The following TAF4 variants were observed in gnomAD, a reference collection of about 807,000 sequenced individuals.
The protein encoded by TAF4 is TATA-box binding protein associated factor 4.
Under a neutral mutation model 90.3 loss-of-function variants are expected in TAF4, and 9 were observed. The observed-to-expected ratio is 0.10, with a 90% CI of 0.06 to 0.17. TAF4 has a LOEUF of 0.17. Among genes scored for constraint, TAF4 ranks in the 10% least tolerant of loss-of-function variants. The probability of loss-of-function intolerance (pLI) is 1.00; values close to 1 mark genes in which losing one functional copy is unlikely to be tolerated. For synonymous variants in TAF4, 818 were observed against 638.9 expected (o/e 1.28, Z -4.23); for missense variants, 1,351 against 1,370.7 (o/e 0.99, Z 0.23).
chr20:62,007,351 A>AG (rs2055752630), intron 6 of TAF4, among the ~76,000 whole-genome samples, 196 bp downstream of exon 6: 2 of 152,310 alleles, frequency 1.3e-5, no homozygotes, highest in South Asian at 4.1e-4. Flanking sequence ...CCACCGTGTC[A>AG]GGGGAGCTCC....
intron 1 of TAF4, among the ~76,000 whole-genome samples, chr20:62,020,296 G>A (rs1209089342): frequency 6.6e-6 from 1 of 152,132 alleles, no homozygotes; most frequent in African/African-American, 2.4e-5. Context: ...GCTCTTTCTG[G>A]TCCTGAGGGG....
intron 14 of TAF4, chr20:61,981,205 C>T (rs954630280): frequency 1.3e-5 from 2 of 152,248 alleles, no homozygotes; most frequent in African/African-American, 4.8e-5. Context: ...GTGGCAAATA[C>T]CCCAAGGCCA....
chr20:62,038,233 T>TCGACAC (rs2055944813), intron 1 of TAF4, among the ~76,000 whole-genome samples: 2 of 152,022 alleles, frequency 1.3e-5, no homozygotes, highest in Non-Finnish European at 2.9e-5. Context: ...TTCACAGTGT[T>TCGACAC]AGCCAGGATG....
At chr20:62,060,763 AC>A (rs1424597689) in intron 1 of TAF4, among the ~76,000 whole-genome samples, 1 of 152,058 alleles carries the variant, frequency 6.6e-6, no homozygotes, top group Non-Finnish European at 1.5e-5. Flanking sequence ...GGCCACTGCA[AC>A]CCTCCCCTAT....
chr20:62,048,645 C>T (rs6142937), intron 1 of TAF4, among the ~76,000 whole-genome samples: 14,826 of 151,082 alleles, frequency 0.098, 1,159 homozygotes, highest in East Asian at 0.44. Flanking sequence ...TCCCTGTATG[C>T]CCACCTTGTG....
chr20:61,987,342 G>C (rs1380403239), intron 14 of TAF4, among the ~76,000 whole-genome samples: 1 of 152,162 alleles, frequency 6.6e-6, no homozygotes, highest in African/African-American at 2.4e-5. Context: ...AGCCGCGAGG[G>C]TCCCGGGGCA....
chr20:62,012,649 G>T, intron 3 of TAF4, 166 bp downstream of exon 3: 1 of 923,642 alleles, frequency 1.1e-6, no homozygotes, highest in East Asian at 2.9e-5. Flanking sequence ...TCCCATGTTG[G>T]TGGTCAAAGA....
intron 4 of TAF4, 103 bp downstream of exon 4, chr20:62,009,943 A>G: frequency 6.4e-7 from 1 of 1,552,982 alleles, no homozygotes; most frequent in Non-Finnish European, 8.7e-7. Flanking sequence ...GCAAGCAGTG[A>G]GCGGTCTGGG....
chr20:62,019,961 G>T (rs555947344), intron 1 of TAF4, among the ~76,000 whole-genome samples: 2 of 152,188 alleles, frequency 1.3e-5, no homozygotes, highest in Non-Finnish European at 2.9e-5. Flanking sequence ...CCCGGCCCTG[G>T]GCCTGGGGCT....
At position 61,974,890 on chromosome 20, in the gene TAF4, T is replaced by G. The variant is rs1410255605; in HGVS notation, c.*1278A>C. On this transcript the variant is annotated 3_prime_UTR_variant, in exon 15 of 15. Transcript: ENST00000252996. This position sits in a 1 kb window ranked among gnomAD's most constrained non-coding sequence, Gnocchi z 4.1. ...AAAAACTTCATTTCTGAAAGTAAAA[T>G]ATTTACATATGAACAAGTAACTGTG... 1 of 152,404 alleles carries G rather than the reference T, an allele frequency of 6.6e-6. No individual in the cohort carries two copies. Among genetic ancestry groups the G allele is most frequent in the Non-Finnish European group, 1.5e-5 (1 of 68,034 alleles). The allele number at this position is 152,404 out of a possible 1,614,324, so 9.4% of individuals were successfully genotyped here. A position where few individuals can be genotyped will look rare whatever the true frequency, so the allele number is the denominator to read the frequency against.
At chr20:62,055,369 G>A (rs565526101) in intron 1 of TAF4, among the ~76,000 whole-genome samples, 61 of 152,100 alleles carry the variant, frequency 4.0e-4, no homozygotes, top group Non-Finnish European at 6.8e-4. Context: ...CACTGCCTGC[G>A]GGCAGTCCTG....
chr20:61,985,967 A>ACCACCATCCCC (rs2055588349), intron 14 of TAF4, among the ~76,000 whole-genome samples: 2 of 150,592 alleles, frequency 1.3e-5, no homozygotes, highest in East Asian at 2.0e-4. Flanking sequence ...GACCAAAGGA[A>ACCACCATCCCC]GCACCATCCC....
chr20:62,024,411 A>G (rs1312289737), intron 1 of TAF4, among the ~76,000 whole-genome samples: 2 of 152,250 alleles, frequency 1.3e-5, no homozygotes. Context: ...ATAAAAGAAC[A>G]AAAGGATAAA....
chr20:62,044,751 A>G (rs2055983417), intron 1 of TAF4, among the ~76,000 whole-genome samples: 1 of 152,226 alleles, frequency 6.6e-6, no homozygotes, highest in African/African-American at 2.4e-5. Flanking sequence ...GAGGGGGAGA[A>G]TGTGCTGTGT....
At chr20:61,991,407 G>A (rs2055630531) in intron 14 of TAF4, among the ~76,000 whole-genome samples, 1 of 151,832 alleles carries the variant, frequency 6.6e-6, no homozygotes, top group Non-Finnish European at 1.5e-5. Flanking sequence ...CTGGGTGACA[G>A]AGGGAGACTC....
At chr20:62,020,393 C>T (rs2055836175) in intron 1 of TAF4, among the ~76,000 whole-genome samples, 1 of 152,222 alleles carries the variant, frequency 6.6e-6, no homozygotes, top group Non-Finnish European at 1.5e-5. Flanking sequence ...ACAGTCGCCC[C>T]TGCCAGCCCA....
At chr20:62,022,578 T>C (rs1036073887) in intron 1 of TAF4, among the ~76,000 whole-genome samples, 1 of 152,262 alleles carries the variant, frequency 6.6e-6, no homozygotes, top group South Asian at 2.1e-4. Flanking sequence ...GGCCCAGATG[T>C]GGAAAGGGCC....
intron 14 of TAF4, among the ~76,000 whole-genome samples, chr20:61,992,337 G>A (rs1437632890): frequency 2.6e-5 from 4 of 152,144 alleles, no homozygotes; most frequent in African/African-American, 4.8e-5. Context: ...CCCTCGGCAG[G>A]AGTGCCCATA....
At chr20:62,059,510 C>G (rs1332470884) in intron 1 of TAF4, among the ~76,000 whole-genome samples, 1 of 152,218 alleles carries the variant, frequency 6.6e-6, no homozygotes, top group Non-Finnish European at 1.5e-5. Context: ...GCAGCTGACA[C>G]CACAATGCCA....
Sources: allele counts gnomAD v4.1 joint callset (sites outside exome capture counted in the v4.1 genomes callset), GRCh38; gene constraint gnomAD v4.1.1; non-coding constraint Gnocchi (gnomAD v3.1); transcripts MANE v1.5; gene names NCBI Gene and HGNC (gene_info 2026-07-23, HGNC 2026-07-21).